The following SMURF2 variants were observed in gnomAD, a reference collection of about 807,000 sequenced individuals.
SMURF2 encodes SMAD specific E3 ubiquitin protein ligase 2, also known as E3 ubiquitin-protein ligase SMURF2.
Under a neutral mutation model 109.6 loss-of-function variants are expected in SMURF2, and 48 were observed. That is an observed-to-expected ratio of 0.44 (90% CI 0.35 to 0.56). The LOEUF is 0.56. SMURF2 is among the 20% of genes least tolerant of loss of function. The probability of loss-of-function intolerance (pLI) is 0.01; values close to 1 mark genes in which losing one functional copy is unlikely to be tolerated. For missense variants in SMURF2, 575 were observed against 909.0 expected (o/e 0.63, Z 4.72); for synonymous variants, 288 against 317.1 (o/e 0.91, Z 0.97).
rs1283685700 is a variant in SMURF2, at chr17:64,584,191, G to A, written c.486-647C>T. Reference sequence around the variant, plus strand: ...AAATTAGCCGGGCGTGGTAGCATGCGCCTGTAATCCCAGCTACTCGGGAGG... The same window carrying A: ...AAATTAGCCGGGCGTGGTAGCATGCACCTGTAATCCCAGCTACTCGGGAGG... On this transcript the variant is annotated intron_variant, in intron 6 of 18. Transcript: ENST00000262435. 5.3e-5 allele frequency among the ~76,000 whole-genome samples: 8 copies of A among 150,972 alleles called. No homozygotes were observed. The South Asian group carries it at 1.0e-3, about 20-fold the overall frequency.
At chr17:64,634,949 G>T (rs1261997631) in intron 1 of SMURF2, among the ~76,000 whole-genome samples, 1 of 151,994 alleles carries the variant, frequency 6.6e-6, no homozygotes, top group East Asian at 1.9e-4. Context: ...TTAACAAACT[G>T]GCAAAAGCCA....
chr17:64,613,798 T>C (rs1241538551), intron 1 of SMURF2, among the ~76,000 whole-genome samples: 1 of 147,164 alleles, frequency 6.8e-6, no homozygotes, highest in African/African-American at 2.5e-5. Context: ...TTCAATCTCA[T>C]TACATTTATT....
chr17:64,566,561 G>GTTTTGTTTTTTTTTTTT (rs1969306410), intron 10 of SMURF2, among the ~76,000 whole-genome samples: 3 of 43,784 alleles, frequency 6.9e-5, no homozygotes, highest in Non-Finnish European at 1.3e-4. Flanking sequence ...AAGCTTTCTG[G>GTTTTGTTTTTTTTTTTT]TTTTTTTTTT....
Position 64,591,090 on chromosome 17 carries a change from T to C in SMURF2, c.394A>G (p.Ile132Val), listed in dbSNP as rs578188136. ...CTTTAAATTCCACACTTACCTACTA[T>C]CTGTCCTCTAACTGTATCATTGTCA... ...PNDNDTVRGQ[I>V]VVSLQSRDRI... Residue 132 changes from isoleucine to valine, a missense_variant, in exon 5 of 19, where the codon ATA (isoleucine) becomes GTA (valine). Ile to Val is a conservative substitution (Grantham distance 29). This residue lies in a region of SMURF2 where 151 missense variants were observed against 178.4 expected (regional missense o/e 0.85). Coordinates refer to ENST00000262435, the MANE Select transcript of SMURF2 (RefSeq NM_022739.4). The C allele has an allele frequency of 1.2e-6, 2 of 1,612,002 alleles. No homozygotes were observed. The highest frequency in any genetic ancestry group is 1.1e-5 in the South Asian group (1 of 90,856).
rs1316644379 is a variant in SMURF2, at chr17:64,617,527, C to T, written c.53-10887G>A. On this transcript the variant is annotated intron_variant, in intron 1 of 18. Coordinates refer to ENST00000262435, the MANE Select transcript of SMURF2 (RefSeq NM_022739.4). ...AGATGATCTCACTCTGTCACTTAGG[C>T]TGGAATGGAGTGGCGCAAACACGAC... Among the ~76,000 whole-genome samples, 3 of 152,060 alleles carry T rather than the reference C, an allele frequency of 2.0e-5. No individual in the cohort carries two copies. The East Asian group carries it at 5.8e-4, about 29-fold the overall frequency.
At chr17:64,573,270 AGGAGGG>A (rs1266700124) in intron 9 of SMURF2, among the ~76,000 whole-genome samples, 67 of 57,120 alleles carry the variant, frequency 1.2e-3, no homozygotes, top group African/African-American at 5.3e-3. Context: ...GAGGAGGAGG[AGGAGGG>A]GGAGGAGGAG....
chr17:64,556,329 C>G (rs1007271753), intron 13 of SMURF2, among the ~76,000 whole-genome samples: 4 of 152,080 alleles, frequency 2.6e-5, no homozygotes, highest in African/African-American at 9.7e-5. Context: ...TCCTGCTGAG[C>G]CCTTTGTCAT....
intron 1 of SMURF2, chr17:64,660,989 T>G (rs1485476073): frequency 6.6e-6 from 1 of 152,166 alleles, no homozygotes; most frequent in African/African-American, 2.4e-5. Context: ...GGACATTCTT[T>G]TCCATTTCGA....
intron 10 of SMURF2, among the ~76,000 whole-genome samples, chr17:64,570,569 A>G (rs1969382965): frequency 6.6e-6 from 1 of 152,206 alleles, no homozygotes; most frequent in African/African-American, 2.4e-5. Flanking sequence ...GAGAAAAGAA[A>G]AGCAAAGGAT....
At chr17:64,640,514 A>G (rs890938670) in intron 1 of SMURF2, among the ~76,000 whole-genome samples, 2 of 152,210 alleles carry the variant, frequency 1.3e-5, no homozygotes, top group African/African-American at 2.4e-5. Context: ...CATTCAAAGT[A>G]TAATGGAAAG....
intron 15 of SMURF2, among the ~76,000 whole-genome samples, chr17:64,553,391 AGCT>A (rs1210048866): frequency 6.6e-6 from 1 of 152,074 alleles, no homozygotes; most frequent in Non-Finnish European, 1.5e-5. Context: ...CTGTACTCCC[AGCT>A]ACTCGGGAGG....
chr17:64,627,182 T>G (rs1347005147), intron 1 of SMURF2, among the ~76,000 whole-genome samples: 1 of 149,610 alleles, frequency 6.7e-6, no homozygotes, highest in Non-Finnish European at 1.5e-5. Flanking sequence ...TGACACAATC[T>G]TGGCTCACTG....
chr17:64,563,492 G>T (rs557612170), intron 10 of SMURF2, among the ~76,000 whole-genome samples: 40 of 152,252 alleles, frequency 2.6e-4, no homozygotes, highest in African/African-American at 8.9e-4. Context: ...TAATAAAGAT[G>T]TTTTAACATA....
intron 2 of SMURF2, among the ~76,000 whole-genome samples, chr17:64,600,815 A>C (rs1337270602): frequency 1.3e-5 from 2 of 152,210 alleles, no homozygotes; most frequent in African/African-American, 4.8e-5. Context: ...TACTATTTAA[A>C]TAAATAAACA....
At chr17:64,578,700 T>C (rs1300196089) in intron 8 of SMURF2, 124 bp from the exon 9 acceptor site, 1 of 631,332 alleles carries the variant, frequency 1.6e-6, no homozygotes, top group South Asian at 2.2e-5. Context: ...TTTTATTTAT[T>C]ATCAAAAAAG....
chr17:64,543,398 C>T lies in SMURF2; in HGVS notation c.*2450G>A, dbSNP rs1371342697. On this transcript the variant is annotated 3_prime_UTR_variant, in exon 19 of 19. Transcript: ENST00000262435. ...CAAGCAATTCTCCTGCCTCAGCCTCCCAAGTAGTTGGATTACAGGAGTGCG... is the reference window on the plus strand; with the variant it reads ...CAAGCAATTCTCCTGCCTCAGCCTCTCAAGTAGTTGGATTACAGGAGTGCG... 8 of 152,052 alleles carry T rather than the reference C, an allele frequency of 5.3e-5. No individual in the cohort carries two copies. In the East Asian group the frequency reaches 1.2e-3, roughly 22 times the overall value. 9.4% of individuals were successfully genotyped at this position (152,052 alleles called of 1,614,324 possible).
At chr17:64,630,632 C>T (rs1320256542) in intron 1 of SMURF2, among the ~76,000 whole-genome samples, 1 of 152,154 alleles carries the variant, frequency 6.6e-6, no homozygotes, top group Non-Finnish European at 1.5e-5. Flanking sequence ...AAATGACAGT[C>T]CACCCAGAGT....
chr17:64,606,690 A>C (rs1555689091), intron 1 of SMURF2, 50 bp from the exon 2 acceptor site: 3 of 1,303,846 alleles, frequency 2.3e-6, no homozygotes, highest in Non-Finnish European at 3.2e-6. Context: ...AAATGTTAAG[A>C]GTGTACTGTT....
chr17:64,631,192 C>G (rs1269304403), intron 1 of SMURF2, among the ~76,000 whole-genome samples: 2 of 144,750 alleles, frequency 1.4e-5, no homozygotes, highest in East Asian at 4.2e-4. Flanking sequence ...GTCCCAGCTA[C>G]TCAGGTCAAA....
Sources: allele counts gnomAD v4.1 joint callset (sites outside exome capture counted in the v4.1 genomes callset), GRCh38; gene constraint gnomAD v4.1.1; regional missense constraint gnomAD v4.1.1; transcripts MANE v1.5; gene names NCBI Gene and HGNC (gene_info 2026-07-23, HGNC 2026-07-21).